The following LMAN2L variants were observed in gnomAD, a reference collection of about 807,000 sequenced individuals.
The protein encoded by LMAN2L is VIP36-like protein.
A neutral mutation model predicts 44.3 loss-of-function variants in LMAN2L; 30 were observed. That is an observed-to-expected ratio of 0.68 (90% CI 0.51 to 0.92). The LOEUF is 0.92. Ranked by LOEUF, LMAN2L falls within the 40% of genes least tolerant of loss-of-function variation. The pLI is 0.00. For synonymous variants in LMAN2L, 183 were observed against 171.1 expected (o/e 1.07, Z -0.54); for missense variants, 429 against 446.1 (o/e 0.96, Z 0.35).
At chr2:96,735,671 T>C (rs1294586000) in intron 2 of LMAN2L, among the ~76,000 whole-genome samples, 2 of 152,068 alleles carry the variant, frequency 1.3e-5, no homozygotes, top group African/African-American at 2.4e-5. Context: ...ACCCCGTCTC[T>C]ACTAAAAAAT....
intron 4 of LMAN2L, among the ~76,000 whole-genome samples, chr2:96,717,488 T>C (rs1258191071): frequency 7.6e-5 from 11 of 144,726 alleles, no homozygotes; most frequent in Non-Finnish European, 1.5e-5. Flanking sequence ...GCTGTGATTG[T>C]GCCACTGCAC....
intron 4 of LMAN2L, among the ~76,000 whole-genome samples, chr2:96,716,805 C>A (rs771362924): frequency 1.3e-5 from 2 of 152,182 alleles, no homozygotes; most frequent in Non-Finnish European, 2.9e-5. Context: ...CTGGGATACA[C>A]TGCTTTCAAT....
At chr2:96,726,890 C>G (rs1168535396) in intron 4 of LMAN2L, among the ~76,000 whole-genome samples, 1 of 152,036 alleles carries the variant, frequency 6.6e-6, no homozygotes, top group Non-Finnish European at 1.5e-5. Flanking sequence ...TCAAGACTAG[C>G]CTGATCAACA....
At chr2:96,721,994 G>C (rs12994989) in intron 4 of LMAN2L, among the ~76,000 whole-genome samples, 1 of 151,688 alleles carries the variant, frequency 6.6e-6, no homozygotes, top group East Asian at 1.9e-4. Flanking sequence ...TTGAGACGGA[G>C]TCTCACTCTG....
At chr2:96,715,679 C>T (rs907058307) in intron 4 of LMAN2L, among the ~76,000 whole-genome samples, 21 of 152,190 alleles carry the variant, frequency 1.4e-4, no homozygotes, top group African/African-American at 5.1e-4. Flanking sequence ...TACTACAAGA[C>T]TACTTTTAAA....
At chr2:96,719,193 G>C (rs533361396) in intron 4 of LMAN2L, among the ~76,000 whole-genome samples, 3 of 152,214 alleles carry the variant, frequency 2.0e-5, no homozygotes, top group African/African-American at 2.4e-5. Flanking sequence ...CAATTCTATA[G>C]AACAGGAGAT....
intron 4 of LMAN2L, among the ~76,000 whole-genome samples, chr2:96,716,182 T>C (rs974228492): frequency 6.6e-6 from 1 of 152,216 alleles, no homozygotes; most frequent in Admixed American, 6.5e-5. Context: ...ATTTGGCTTC[T>C]TTTTATTGCC....
In LMAN2L at chr2:96,710,407, T is replaced by C. The variant is rs192951114; in HGVS notation, c.784+1249A>G. On this transcript the variant is annotated intron_variant, in intron 6 of 7. Coordinates refer to ENST00000264963, the MANE Select transcript of LMAN2L (RefSeq NM_030805.4). ...TATCCAGGCTGGGCTCAGTGGCTCA[T>C]GCCTGTAATCCCAGCACTTTCGGAG... Among the ~76,000 whole-genome samples, 91 of 152,304 alleles carry C rather than the reference T, an allele frequency of 6.0e-4. No individual in the cohort carries two copies. The Middle Eastern group carries it at 0.01, about 17-fold the overall frequency.
intron 4 of LMAN2L, among the ~76,000 whole-genome samples, chr2:96,728,372 C>G (rs1014996946): frequency 4.6e-5 from 7 of 152,104 alleles, no homozygotes; most frequent in African/African-American, 1.7e-4. Flanking sequence ...GTTGCAGGTG[C>G]CTGTAGTCCC....
intron 7 of LMAN2L, 145 bp downstream of exon 7, chr2:96,707,569 T>C (rs2077812002): frequency 2.4e-6 from 3 of 1,260,744 alleles, no homozygotes; most frequent in African/African-American, 1.5e-5. Context: ...TGCTCATCTG[T>C]AACTTGAAGG....
chr2:96,737,428 T>C (rs1185471219), intron 2 of LMAN2L, among the ~76,000 whole-genome samples: 1 of 152,196 alleles, frequency 6.6e-6, no homozygotes, highest in Non-Finnish European at 1.5e-5. Context: ...GGCAGGAGGA[T>C]TGTTTGAGAC....
At chr2:96,722,848 C>T (rs553749246) in intron 4 of LMAN2L, among the ~76,000 whole-genome samples, 2 of 152,214 alleles carry the variant, frequency 1.3e-5, no homozygotes, top group African/African-American at 4.8e-5. Context: ...TGGCAAAACC[C>T]GTATCTACTA....
At chr2:96,714,403 C>G (rs781568859) in intron 4 of LMAN2L, among the ~76,000 whole-genome samples, 1 of 152,254 alleles carries the variant, frequency 6.6e-6, no homozygotes, top group Non-Finnish European at 1.5e-5. Context: ...AGATCCCCTG[C>G]CGTCCTCCTC....
intron 4 of LMAN2L, among the ~76,000 whole-genome samples, chr2:96,725,698 G>A (rs1286485898): frequency 6.6e-6 from 1 of 151,778 alleles, no homozygotes; most frequent in Non-Finnish European, 1.5e-5. Context: ...GCCCGCCTCA[G>A]CCTCCCAAAG....
chr2:96,729,527 AG>A, intron 4 of LMAN2L, among the ~76,000 whole-genome samples: 1 of 150,306 alleles, frequency 6.7e-6, no homozygotes, highest in African/African-American at 2.4e-5. Context: ...TTTTTTTTTG[AG>A]ACAGAGTCTT....
chr2:96,720,532 G>A (rs1196183381), intron 4 of LMAN2L, among the ~76,000 whole-genome samples: 1 of 151,494 alleles, frequency 6.6e-6, no homozygotes, highest in Non-Finnish European at 1.5e-5. Context: ...GCCTAGGCTG[G>A]TTTCAAACTC....
At chr2:96,709,200 C>A (rs894254917) in intron 6 of LMAN2L, among the ~76,000 whole-genome samples, 1 of 152,080 alleles carries the variant, frequency 6.6e-6, no homozygotes, top group Non-Finnish European at 1.5e-5. Flanking sequence ...GCATTACAGG[C>A]GTGAGCCACC....
intron 6 of LMAN2L, among the ~76,000 whole-genome samples, chr2:96,711,390 G>C (rs528849854): frequency 6.6e-5 from 10 of 152,212 alleles, no homozygotes; most frequent in Non-Finnish European, 1.3e-4. Context: ...AGGAACTCAC[G>C]ATACAGGCTA....
intron 4 of LMAN2L, among the ~76,000 whole-genome samples, chr2:96,720,127 C>T (rs1483641679): frequency 1.3e-5 from 2 of 151,968 alleles, no homozygotes; most frequent in African/African-American, 2.4e-5. Flanking sequence ...ACAATCATCA[C>T]ATCAAAAAAA....
Sources: allele counts gnomAD v4.1 joint callset (sites outside exome capture counted in the v4.1 genomes callset), GRCh38; gene constraint gnomAD v4.1.1; transcripts MANE v1.5; gene names NCBI Gene and HGNC (gene_info 2026-07-23, HGNC 2026-07-21).